The following GALNT13 variants were observed in gnomAD, a reference collection of about 807,000 sequenced individuals.
GALNT13 encodes polypeptide N-acetylgalactosaminyltransferase 13, also known as UDP-GalNAc:polypeptide N-acetylgalactosaminyltransferase 13.
Under a neutral mutation model 64.2 loss-of-function variants are expected in GALNT13, and 28 were observed. The observed-to-expected ratio is 0.44, with a 90% CI of 0.32 to 0.60. The LOEUF (loss-of-function observed/expected upper bound fraction) is 0.60, where lower values mean the gene tolerates loss of function less well. GALNT13 is among the 20% of genes least tolerant of loss of function. The probability of loss-of-function intolerance (pLI) is 0.05; values close to 1 mark genes in which losing one functional copy is unlikely to be tolerated. For missense variants in GALNT13, 577 were observed against 669.8 expected, an observed-to-expected ratio of 0.86 and a Z score of 1.53; for synonymous variants, 214 against 224.6, an observed-to-expected ratio of 0.95 and a Z score of 0.42.
chr2:153,260,419 G>T, the GALNT13 span, among the ~76,000 whole-genome samples: 18 of 152,082 alleles, frequency 1.2e-4, no homozygotes, highest in African/African-American at 4.3e-4. Context: ...TTGTATGATT[G>T]GGAAAGTCTT....
At chr2:154,114,300 A>T (rs1286306243) in intron 3 of GALNT13, among the ~76,000 whole-genome samples, 2 of 152,190 alleles carry the variant, frequency 1.3e-5, no homozygotes, top group Non-Finnish European at 1.5e-5. Context: ...CATGCCAATT[A>T]TGCATTCTGG....
At chr2:153,592,730 C>T in the GALNT13 span, 3 of 152,158 alleles carry the variant, frequency 2.0e-5, no homozygotes, top group East Asian at 1.9e-4. Flanking sequence ...TCCTGAAGGA[C>T]CTGGGAGAGA....
At chr2:153,663,883 G>A in the GALNT13 span, among the ~76,000 whole-genome samples, 1 of 152,226 alleles carries the variant, frequency 6.6e-6, no homozygotes, top group East Asian at 1.9e-4. Flanking sequence ...TTTTAAAACA[G>A]CACAGCCTCC....
chr2:153,540,376 C>T, the GALNT13 span, among the ~76,000 whole-genome samples: 1 of 152,196 alleles, frequency 6.6e-6, no homozygotes, highest in African/African-American at 2.4e-5. Flanking sequence ...TCTGGATGTC[C>T]AGGCAGAAGT....
chr2:153,082,789 AAT>A, the GALNT13 span, among the ~76,000 whole-genome samples: 1 of 145,432 alleles, frequency 6.9e-6, no homozygotes, highest in African/African-American at 2.5e-5. Context: ...GAATAAATAA[AAT>A]ATATATTATT....
At chr2:153,852,980 A>G in the GALNT13 span, among the ~76,000 whole-genome samples, 2 of 152,176 alleles carry the variant, frequency 1.3e-5, no homozygotes, top group Non-Finnish European at 2.9e-5. Context: ...CAAGGAAGTC[A>G]GTGTGAGTCC....
At chr2:153,394,408 C>G in the GALNT13 span, among the ~76,000 whole-genome samples, 3 of 151,976 alleles carry the variant, frequency 2.0e-5, no homozygotes, top group Non-Finnish European at 2.9e-5. Context: ...TAAATTGGGC[C>G]CACACAAACA....
At chr2:154,370,771 T>C (rs1229781311) in intron 9 of GALNT13, among the ~76,000 whole-genome samples, 1 of 152,040 alleles carries the variant, frequency 6.6e-6, no homozygotes, top group Non-Finnish European at 1.5e-5. Context: ...AACTTAAGAG[T>C]TATAGATAAT....
At chr2:153,837,775 A>C in the GALNT13 span, among the ~76,000 whole-genome samples, 2 of 152,072 alleles carry the variant, frequency 1.3e-5, no homozygotes, top group Admixed American at 1.3e-4. Flanking sequence ...CTTTCTTTGC[A>C]TATATTCCCA....
chr2:153,184,633 A>G, the GALNT13 span, among the ~76,000 whole-genome samples: 4 of 152,154 alleles, frequency 2.6e-5, no homozygotes, highest in Non-Finnish European at 5.9e-5. Context: ...ATTTTGAGGT[A>G]TATTCCTTCA....
At chr2:154,433,989 T>C (rs1159138613) in intron 11 of GALNT13, among the ~76,000 whole-genome samples, 1 of 152,160 alleles carries the variant, frequency 6.6e-6, no homozygotes, top group East Asian at 1.9e-4. Context: ...CTGGTGTTTT[T>C]ATAAAAAGAG....
At chr2:153,296,238 G>T in the GALNT13 span, among the ~76,000 whole-genome samples, 2 of 152,084 alleles carry the variant, frequency 1.3e-5, no homozygotes, top group African/African-American at 2.4e-5. Context: ...CCCCAGGAGG[G>T]AATGGAAGTT....
chr2:154,405,203 A>G (rs1428632203), intron 10 of GALNT13, among the ~76,000 whole-genome samples: 1 of 152,152 alleles, frequency 6.6e-6, no homozygotes, highest in East Asian at 1.9e-4. Context: ...ATGTGCAAGT[A>G]TAATGCAGGA....
chr2:153,308,089 A>T, the GALNT13 span, among the ~76,000 whole-genome samples: 1 of 152,320 alleles, frequency 6.6e-6, no homozygotes, highest in South Asian at 2.1e-4. Context: ...GCTGCTGATG[A>T]AACTGATGAA....
At chr2:153,955,263 T>C (rs1214918823) in intron 3 of GALNT13, among the ~76,000 whole-genome samples, 2 of 152,208 alleles carry the variant, frequency 1.3e-5, no homozygotes, top group Admixed American at 6.5e-5. Context: ...GTAGAGGTAC[T>C]GGAGATTTGA....
intron 3 of GALNT13, among the ~76,000 whole-genome samples, chr2:154,018,256 G>A (rs1421118344): frequency 6.6e-6 from 1 of 152,136 alleles, no homozygotes; most frequent in Non-Finnish European, 1.5e-5. Context: ...TTTATTGTCA[G>A]GGTTTATTCC....
At chr2:153,950,762 A>G (rs1003457979) in intron 3 of GALNT13, among the ~76,000 whole-genome samples, 1 of 152,118 alleles carries the variant, frequency 6.6e-6, no homozygotes, top group African/African-American at 2.4e-5. Context: ...TTCCATCAAC[A>G]TGATTGAATC....
At chr2:153,378,289 TAGATAGATAGATAGATAGATAA>T in the GALNT13 span, among the ~76,000 whole-genome samples, 28 of 149,606 alleles carry the variant, frequency 1.9e-4, no homozygotes, top group African/African-American at 6.8e-4. Context: ...GATAGATAGA[TAGATAGATAGATAGATAGATAA>T]TTTTTTTTTT....
In GALNT13 at chr2:154,234,936, A is replaced by G. The variant is rs775089545; in HGVS notation, c.312-7094A>G. ...AAGAGTATAAAAAAGTAAAAGATTA[A>G]GGCATGTAGAAGGTACAAGGCCAGG... On this transcript the variant is annotated intron_variant, in intron 4 of 12. Coordinates refer to ENST00000392825, the MANE Select transcript of GALNT13 (RefSeq NM_052917.4). 5.3e-5 allele frequency among the ~76,000 whole-genome samples: 8 copies of G among 152,130 alleles called. No homozygotes were observed. The East Asian group carries it at 7.7e-4, about 15-fold the overall frequency.
Sources: gnomAD v4.1 joint callset for allele counts (sites outside exome capture counted in the v4.1 genomes callset) on GRCh38, gnomAD v4.1.1 for gene constraint, MANE v1.5 for transcripts, NCBI Gene and HGNC (gene_info 2026-07-23, HGNC 2026-07-21) for gene names.